GGT1: variants seen among roughly 807,000 people sequenced by gnomAD.
The protein encoded by GGT1 is gamma-glutamyltransferase 1.
GGT1 carries 21 observed loss-of-function variants against 56.0 expected under a neutral mutation model. The observed-to-expected ratio is 0.38, with a 90% CI of 0.27 to 0.54. The LOEUF (loss-of-function observed/expected upper bound fraction) is 0.54, where lower values mean the gene tolerates loss of function less well. GGT1 is among the 20% of genes least tolerant of loss of function. The pLI, the probability that GGT1 is intolerant of heterozygous loss-of-function variation, is 0.82. For missense variants in GGT1, 466 were observed against 787.0 expected (o/e 0.59, Z 4.88); for synonymous variants, 238 against 342.6 (o/e 0.69, Z 3.37).
At chr22:24,585,882 T>G in the GGT1 span, 1 of 1,572,920 alleles carries the variant, frequency 6.4e-7, no homozygotes, top group East Asian at 2.3e-5. Context: ...AGGTGGGTGG[T>G]GGGTCACCTG....
intron 1 of GGT1, among the ~76,000 whole-genome samples, chr22:24,604,459 C>G (rs991821038): frequency 4.6e-5 from 7 of 152,120 alleles, no homozygotes; most frequent in Non-Finnish European, 1.0e-4. Flanking sequence ...GGAAGCTGCT[C>G]TGCTCAGCCT....
chr22:24,611,588 AT>A (rs1477615680), intron 5 of GGT1, among the ~76,000 whole-genome samples: 18 of 128,778 alleles, frequency 1.4e-4, no homozygotes, highest in Non-Finnish European at 2.4e-4. Context: ...CTATCTATCT[AT>A]CTATCTATCT....
At chr22:24,589,421 G>A in the GGT1 span, 2 of 1,011,852 alleles carry the variant, frequency 2.0e-6, no homozygotes, top group African/African-American at 3.5e-5. Flanking sequence ...CTCTAGCCGA[G>A]AGCGGCTCTC....
chr22:24,586,361 A>C, the GGT1 span: 3 of 1,613,736 alleles, frequency 1.9e-6, no homozygotes, highest in African/African-American at 2.7e-5. Flanking sequence ...GATGCCTGAG[A>C]GGTCCACAGT....
upstream of GGT1, among the ~76,000 whole-genome samples, chr22:24,590,115 G>A (rs969672420): frequency 6.6e-5 from 10 of 152,092 alleles, no homozygotes; most frequent in Non-Finnish European, 1.5e-4. Flanking sequence ...GTCCAGTGGC[G>A]GGTGGCCCCC....
chr22:24,605,865 TA>T (rs1355381281), intron 1 of GGT1, among the ~76,000 whole-genome samples: 1 of 74,018 alleles, frequency 1.4e-5, no homozygotes, highest in Non-Finnish European at 2.3e-5. Context: ...TGATGTGTAT[TA>T]TATATTATAT....
chr22:24,628,271 C>T lies in GGT1; in HGVS notation c.1450-4C>T. ...GCCATGCTGATCACACTCCCATGCC[C>T]CAGGCCATCATCTACAACCTCTGGT... is the stretch of plus-strand genomic sequence containing the variant. On this transcript the variant is annotated splice_region_variant and splice_polypyrimidine_tract_variant and intron_variant, in intron 14 of 15. Transcript: ENST00000400382. This position sits in a 1 kb window ranked among gnomAD's most constrained non-coding sequence, Gnocchi z 5.7. The T allele has an allele frequency of 1.2e-6, 2 of 1,611,990 alleles. No individual in the cohort carries two copies. The highest frequency in any genetic ancestry group is 4.5e-5 in the East Asian group (2 of 44,876).
At chr22:24,624,421 C>T in intron 11 of GGT1, 2 of 985,038 alleles carry the variant, frequency 2.0e-6, no homozygotes, top group Non-Finnish European at 1.2e-6. Flanking sequence ...TGAGGATCCT[C>T]ACATCCCTCC....
intron 11 of GGT1, 86 bp downstream of exon 11, chr22:24,624,002 A>T: frequency 6.4e-7 from 1 of 1,571,972 alleles, no homozygotes; most frequent in Non-Finnish European, 8.6e-7. Context: ...ACAGCCTCAC[A>T]TATGCTTTAT....
chr22:24,599,959 G>A (rs749016147), upstream of GGT1, among the ~76,000 whole-genome samples: 6 of 152,236 alleles, frequency 3.9e-5, no homozygotes, highest in Non-Finnish European at 8.8e-5. Context: ...GAGCGGGTTG[G>A]CTTTCCTGGA....
the GGT1 span, chr22:24,589,388 G>A: frequency 3.6e-6 from 4 of 1,098,258 alleles, no homozygotes; most frequent in African/African-American, 1.7e-5. Flanking sequence ...TGTACAGGAT[G>A]GAGACCTGCG....
At chr22:24,586,013 G>A in the GGT1 span, 1,224 of 1,611,104 alleles carry the variant, frequency 7.6e-4, no homozygotes, top group Non-Finnish European at 8.9e-4. Flanking sequence ...GTAGATGGTG[G>A]GGAGTGAGGT....
At chr22:24,602,250 G>A (rs550201644), upstream of GGT1, among the ~76,000 whole-genome samples, 5 of 152,234 alleles carry the variant, frequency 3.3e-5, no homozygotes, top group South Asian at 4.1e-4. Context: ...ATCCCAGCTC[G>A]GGCTGGATTC....
chr22:24,586,907 G>C, the GGT1 span, among the ~76,000 whole-genome samples: 1 of 152,234 alleles, frequency 6.6e-6, no homozygotes, highest in African/African-American at 2.4e-5. Context: ...AAAATGGGAC[G>C]TGGTTGTTGT....
the GGT1 span, chr22:24,585,877 G>A: frequency 2.5e-6 from 4 of 1,569,268 alleles, no homozygotes; most frequent in South Asian, 4.6e-5. Flanking sequence ...GAGCCAGGTG[G>A]GTGGTGGGTC....
the GGT1 span, chr22:24,588,887 C>G: frequency 4.0e-6 from 4 of 1,005,940 alleles, no homozygotes; most frequent in Non-Finnish European, 4.8e-6. Context: ...TCAGTCCTAA[C>G]TGGGCTCCGG....
At chr22:24,587,146 C>G in the GGT1 span, among the ~76,000 whole-genome samples, 1 of 152,120 alleles carries the variant, frequency 6.6e-6, no homozygotes. Context: ...CTTCTGATGT[C>G]GATTCTTTTA....
chr22:24,603,938 G>C (rs1269679445), intron 1 of GGT1, among the ~76,000 whole-genome samples: 1 of 151,656 alleles, frequency 6.6e-6, no homozygotes, highest in Non-Finnish European at 1.5e-5. Context: ...CCACCTCTCA[G>C]CTATATATAT....
chr22:24,615,523 G>A (rs948441470), intron 7 of GGT1, among the ~76,000 whole-genome samples: 9 of 152,206 alleles, frequency 5.9e-5, no homozygotes, highest in African/African-American at 1.7e-4. Flanking sequence ...GGGTGGGGAT[G>A]CTGAGGCTCA....
Sources: allele counts gnomAD v4.1 joint callset (sites outside exome capture counted in the v4.1 genomes callset), GRCh38; gene constraint gnomAD v4.1.1; non-coding constraint Gnocchi (gnomAD v3.1); transcripts MANE v1.5; gene names NCBI Gene and HGNC (gene_info 2026-07-23, HGNC 2026-07-21).